The following ADAM12 variants were observed in gnomAD, a reference collection of about 807,000 sequenced individuals.
ADAM12 encodes ADAM metallopeptidase domain 12.
In ADAM12, 70 loss-of-function variants were observed where a neutral mutation model predicts 106.4. That is an observed-to-expected ratio of 0.66 (90% CI 0.54 to 0.80). The LOEUF is 0.80. ADAM12 is among the 30% of genes least tolerant of loss of function. The pLI is 0.00. For missense variants in ADAM12, 1,010 were observed against 1,171.9 expected, an observed-to-expected ratio of 0.86 and a Z score of 2.02; for synonymous variants, 420 against 433.5, an observed-to-expected ratio of 0.97 and a Z score of 0.39.
At chr10:126,311,268 C>T (rs1242933308) in intron 2 of ADAM12, among the ~76,000 whole-genome samples, 1 of 152,116 alleles carries the variant, frequency 6.6e-6, no homozygotes, top group Admixed American at 6.5e-5. Flanking sequence ...TGAATAAATA[C>T]AGAAGTATAA....
At chr10:126,278,817 G>A (rs1300189128) in intron 3 of ADAM12, 98 bp downstream of exon 3, 7 of 865,614 alleles carry the variant, frequency 8.1e-6, no homozygotes, top group African/African-American at 1.7e-5. Flanking sequence ...CATGCATTTC[G>A]TTCTTTGTTT....
At chr10:126,096,092 A>G (rs1590402716) in intron 10 of ADAM12, among the ~76,000 whole-genome samples, 1 of 152,256 alleles carries the variant, frequency 6.6e-6, no homozygotes, top group African/African-American at 2.4e-5. Context: ...TTTAGATTTT[A>G]GAGTTTCCTG....
intron 3 of ADAM12, among the ~76,000 whole-genome samples, chr10:126,223,494 T>C (rs1053133072): frequency 1.3e-5 from 2 of 152,190 alleles, no homozygotes; most frequent in African/African-American, 4.8e-5. Flanking sequence ...CTTGAATGCT[T>C]GAGCTGAGAG....
chr10:126,232,400 C>T (rs954511644), intron 3 of ADAM12, among the ~76,000 whole-genome samples: 3 of 152,164 alleles, frequency 2.0e-5, no homozygotes, highest in Admixed American at 1.3e-4. Context: ...CCCACCCACA[C>T]CTTGGTTGTA....
In ADAM12 at chr10:126,036,146, C is replaced by T; in HGVS notation, c.2529G>A (p.Gln843=). 2 of 1,456,836 alleles carry T rather than the reference C, an allele frequency of 1.4e-6. No homozygotes were observed. The highest frequency in any genetic ancestry group is 1.8e-6 in the Non-Finnish European group (2 of 1,106,524). The allele number at this position is 1,456,836 out of a possible 1,614,324, so 90.2% of individuals were successfully genotyped here. A position where few individuals can be genotyped will look rare whatever the true frequency, so the allele number is the denominator to read the frequency against. ...LPAKPALRQA[Q]GTCKPNPPQK... ...TATCATATTAGTACTGAAAGCATAC[C>T]TGGGCCTGCCTAAGTGCAGGCTTGG... The change falls in exon 21 of 23, where the codon CAG becomes CAA. Residue 843 remains glutamine (Q), a splice_region_variant and synonymous_variant. Coordinates refer to ENST00000448723, the MANE Select transcript of ADAM12 (RefSeq NM_001288973.2).
intron 3 of ADAM12, among the ~76,000 whole-genome samples, chr10:126,266,768 T>G (rs898336594): frequency 2.0e-5 from 3 of 152,076 alleles, no homozygotes; most frequent in African/African-American, 7.2e-5. Flanking sequence ...GGAGCAAGCA[T>G]CTCACATGGT....
chr10:126,256,810 C>T (rs973537511), intron 3 of ADAM12, among the ~76,000 whole-genome samples: 5 of 152,110 alleles, frequency 3.3e-5, no homozygotes, highest in Non-Finnish European at 7.4e-5. Flanking sequence ...ATCCAGAAAT[C>T]TCTTTTATAT....
chr10:126,232,811 T>C (rs1958338851), intron 3 of ADAM12, among the ~76,000 whole-genome samples: 1 of 152,184 alleles, frequency 6.6e-6, no homozygotes, highest in Admixed American at 6.5e-5. Flanking sequence ...GGGTTAGAAC[T>C]AGACAAATAG....
intron 20 of ADAM12, 71 bp downstream of exon 20, chr10:126,038,170 T>TA (rs900775107): frequency 1.5e-6 from 2 of 1,345,996 alleles, no homozygotes; most frequent in Non-Finnish European, 2.1e-6. Context: ...ATCCCATTCT[T>TA]ATTCAGTCTC....
chr10:126,030,908 T>C (rs899433394), intron 21 of ADAM12, among the ~76,000 whole-genome samples: 6 of 152,220 alleles, frequency 3.9e-5, no homozygotes, highest in Admixed American at 3.9e-4. Context: ...CTGTGACAAC[T>C]GATTTTTTAC....
At chr10:126,306,877 G>C (rs943873796) in intron 2 of ADAM12, among the ~76,000 whole-genome samples, 2 of 152,316 alleles carry the variant, frequency 1.3e-5, no homozygotes, top group African/African-American at 4.8e-5. Context: ...GGCTAAATGA[G>C]TTTGAAATTA....
At chr10:126,226,156 G>A (rs1958190292) in intron 3 of ADAM12, among the ~76,000 whole-genome samples, 1 of 138,972 alleles carries the variant, frequency 7.2e-6, no homozygotes, top group Non-Finnish European at 1.5e-5. Context: ...ATGAAACCGG[G>A]TGCTCTGCAT....
At chr10:126,287,780 T>G (rs778843813) in intron 2 of ADAM12, among the ~76,000 whole-genome samples, 1 of 152,050 alleles carries the variant, frequency 6.6e-6, no homozygotes, top group Non-Finnish European at 1.5e-5. Context: ...TTGTTGGTTC[T>G]CACACACCCT....
chr10:126,150,473 T>C (rs968339351), intron 4 of ADAM12, among the ~76,000 whole-genome samples: 11 of 152,128 alleles, frequency 7.2e-5, no homozygotes, highest in African/African-American at 2.4e-4. Flanking sequence ...TCCTCTGCCT[T>C]CCAACCAACA....
intron 2 of ADAM12, among the ~76,000 whole-genome samples, chr10:126,289,117 G>A (rs1353037071): frequency 1.3e-5 from 2 of 152,172 alleles, no homozygotes; most frequent in Admixed American, 6.5e-5. Flanking sequence ...AATGGCTTGG[G>A]GACAGGACCA....
chr10:126,200,979 T>A (rs918213406), intron 3 of ADAM12, among the ~76,000 whole-genome samples: 2 of 152,128 alleles, frequency 1.3e-5, no homozygotes, highest in Non-Finnish European at 2.9e-5. Context: ...GGGCAGGGCA[T>A]AAATTTCTCA....
chr10:126,297,928 T>A (rs1960455005), intron 2 of ADAM12, among the ~76,000 whole-genome samples: 1 of 151,162 alleles, frequency 6.6e-6, no homozygotes, highest in South Asian at 2.1e-4. Context: ...GAAGACAAAA[T>A]CCAGAAATGA....
At chr10:126,326,948 A>C (rs1298562425) in intron 2 of ADAM12, among the ~76,000 whole-genome samples, 1 of 152,118 alleles carries the variant, frequency 6.6e-6, no homozygotes, top group African/African-American at 2.4e-5. Flanking sequence ...CACATAATCC[A>C]GATTTGGGAA....
chr10:126,063,295 A>G (rs1002389287), intron 14 of ADAM12, among the ~76,000 whole-genome samples: 2 of 152,044 alleles, frequency 1.3e-5, no homozygotes, highest in African/African-American at 4.8e-5. Flanking sequence ...TTTCCCCCCC[A>G]GAAAGCTCCA....
Sources: allele counts gnomAD v4.1 joint callset (sites outside exome capture counted in the v4.1 genomes callset), GRCh38; gene constraint gnomAD v4.1.1; transcripts MANE v1.5; gene names NCBI Gene and HGNC (gene_info 2026-07-23, HGNC 2026-07-21).